Variants in HTR2C observed in about 807,000 individuals in gnomAD.
HTR2C encodes 5-hydroxytryptamine receptor 2C.
HTR2C carries 5 observed loss-of-function variants against 21.0 expected under a neutral mutation model. That is an observed-to-expected ratio of 0.24 (90% CI 0.12 to 0.50). The LOEUF is 0.50. Among genes scored for constraint, HTR2C ranks in the 20% least tolerant of loss-of-function variants. The pLI is 0.98. For synonymous variants in HTR2C, 150 were observed against 145.3 expected (o/e 1.03, Z -0.23); for missense variants, 271 against 371.2 (o/e 0.73, Z 2.22).
chrX:114,710,902 A>G (rs1362098423), intron 2 of HTR2C, among the ~76,000 whole-genome samples: 1 of 111,496 alleles, frequency 9.0e-6, no homozygotes, highest in Non-Finnish European at 1.9e-5. Flanking sequence ...CTACGTTTCC[A>G]CAAATATTGG....
intron 2 of HTR2C, among the ~76,000 whole-genome samples, chrX:114,705,719 A>C (rs1416677438): frequency 3.2e-5 from 2 of 62,469 alleles, no homozygotes; most frequent in Non-Finnish European, 6.4e-5. Context: ...GGATCTAATT[A>C]AACTAAAGAG....
chrX:114,805,133 T>A (rs2070388828), intron 4 of HTR2C, among the ~76,000 whole-genome samples: 1 of 111,536 alleles, frequency 9.0e-6, no homozygotes, highest in Non-Finnish European at 1.9e-5. Context: ...TAAATGAAGC[T>A]TTTTTGCTAT....
At chrX:114,752,443 T>G (rs1438259277) in intron 4 of HTR2C, among the ~76,000 whole-genome samples, 1 of 111,099 alleles carries the variant, frequency 9.0e-6, no homozygotes, top group Non-Finnish European at 1.9e-5. Context: ...CCAGGTACCT[T>G]TTGATTCTCT....
chrX:114,732,466 A>T (rs1310293767), intron 4 of HTR2C, among the ~76,000 whole-genome samples: 1 of 111,274 alleles, frequency 9.0e-6, no homozygotes, highest in African/African-American at 3.3e-5. Context: ...TAGAAGAAAT[A>T]ATATTGAAAG....
chrX:114,820,372 T>A (rs2070621411), intron 4 of HTR2C, among the ~76,000 whole-genome samples: 1 of 110,076 alleles, frequency 9.1e-6, no homozygotes. Flanking sequence ...TGAAACACAC[T>A]GTCCTTTGTT....
intron 5 of HTR2C, among the ~76,000 whole-genome samples, chrX:114,893,534 T>C (rs1405524681): frequency 8.9e-6 from 1 of 111,760 alleles, no homozygotes; most frequent in Non-Finnish European, 1.9e-5. Flanking sequence ...AACCTCATAG[T>C]ATATACAAAA....
intron 2 of HTR2C, among the ~76,000 whole-genome samples, chrX:114,700,003 A>G (rs909774475): frequency 1.8e-5 from 2 of 112,041 alleles, no homozygotes; most frequent in Non-Finnish European, 3.8e-5. Context: ...ATAGATTTGA[A>G]AGAAAATATG....
At chrX:114,730,310 T>A (rs2069523431) in intron 3 of HTR2C, among the ~76,000 whole-genome samples, 1 of 111,968 alleles carries the variant, frequency 8.9e-6, no homozygotes, top group South Asian at 3.7e-4. Context: ...ACTGGTAGAA[T>A]CTACCAAAGG....
chrX:114,787,571 A>G (rs1556442383), intron 4 of HTR2C, among the ~76,000 whole-genome samples: 1 of 111,988 alleles, frequency 8.9e-6, no homozygotes, highest in Non-Finnish European at 1.9e-5. Flanking sequence ...ACGGCCATTC[A>G]GTTTTGCCCT....
intron 4 of HTR2C, among the ~76,000 whole-genome samples, chrX:114,833,565 A>ATTGTGTCTAT (rs200990633): frequency 0.043 from 4,676 of 109,008 alleles, 296 homozygotes; most frequent in African/African-American, 0.15. Context: ...ATCATTTTTT[A>ATTGTGTCTAT]TTGTGTCTAT....
At chrX:114,790,553 A>T (rs782715697) in intron 4 of HTR2C, among the ~76,000 whole-genome samples, 15 of 111,888 alleles carry the variant, frequency 1.3e-4, no homozygotes, top group African/African-American at 4.5e-4. Context: ...ACTTTATGGG[A>T]ATTCATTGTA....
intron 4 of HTR2C, among the ~76,000 whole-genome samples, chrX:114,799,466 TC>T (rs782215329): frequency 2.0e-4 from 22 of 108,000 alleles, no homozygotes; most frequent in Admixed American, 7.0e-4. Flanking sequence ...AAATCCCTCC[TC>T]TCTGGAAAAA....
At chrX:114,893,201 A>C (rs1556483149) in intron 5 of HTR2C, among the ~76,000 whole-genome samples, 1 of 110,905 alleles carries the variant, frequency 9.0e-6, no homozygotes, top group Non-Finnish European at 1.9e-5. Context: ...AGTGTGAGCC[A>C]CTGTGCCCAG....
intron 4 of HTR2C, among the ~76,000 whole-genome samples, chrX:114,778,628 G>A (rs1056489273): frequency 1.5e-4 from 17 of 111,151 alleles, no homozygotes; most frequent in African/African-American, 4.2e-4. Flanking sequence ...CCACAGTACA[G>A]TATTGGATTA....
chrX:114,660,787 T>C (rs1930956893), intron 2 of HTR2C, among the ~76,000 whole-genome samples: 1 of 112,372 alleles, frequency 8.9e-6, no homozygotes, highest in African/African-American at 3.2e-5. Context: ...AAATACTTAA[T>C]ACCTTAAGAA....
At chrX:114,819,258 G>A (rs1271527638) in intron 4 of HTR2C, among the ~76,000 whole-genome samples, 2 of 111,863 alleles carry the variant, frequency 1.8e-5, no homozygotes, top group African/African-American at 6.5e-5. Flanking sequence ...AATCATACTA[G>A]CAAGTTGAAT....
chrX:114,805,951 AC>A (rs2070419476), intron 4 of HTR2C, among the ~76,000 whole-genome samples: 1 of 73,130 alleles, frequency 1.4e-5, no homozygotes, highest in Non-Finnish European at 2.6e-5. Flanking sequence ...ATATATATAT[AC>A]ACCATATATA....
intron 5 of HTR2C, among the ~76,000 whole-genome samples, chrX:114,883,336 A>G (rs2071196258): frequency 9.0e-6 from 1 of 110,575 alleles, no homozygotes; most frequent in South Asian, 3.8e-4. Context: ...CAATCTAACC[A>G]AAAGATTGTC....
At chrX:114,683,649 G>A (rs781815182) in intron 2 of HTR2C, among the ~76,000 whole-genome samples, 12 of 110,726 alleles carry the variant, frequency 1.1e-4, no homozygotes, top group Non-Finnish European at 2.3e-4. Flanking sequence ...GCCAGGTGTG[G>A]TGGCCTGTGA....
Sources: gnomAD v4.1 joint callset for allele counts (sites outside exome capture counted in the v4.1 genomes callset) on GRCh38, gnomAD v4.1.1 for gene constraint, MANE v1.5 for transcripts, NCBI Gene and HGNC (gene_info 2026-07-23, HGNC 2026-07-21) for gene names.